The following SYT1 variants were observed in gnomAD, a reference collection of about 807,000 sequenced individuals.
SYT1 encodes synaptotagmin-1.
Under a neutral mutation model 44.8 loss-of-function variants are expected in SYT1, and 8 were observed. The observed-to-expected ratio is 0.18, with a 90% confidence interval of 0.10 to 0.32. The LOEUF is 0.32. Among genes scored for constraint, SYT1 ranks in the 10% least tolerant of loss-of-function variants. SYT1 has a pLI of 1.00. For synonymous variants in SYT1, 154 were observed against 188.8 expected, an observed-to-expected ratio of 0.82 and a Z score of 1.51; for missense variants, 286 against 509.3, an observed-to-expected ratio of 0.56 and a Z score of 4.22.
intron 3 of SYT1, among the ~76,000 whole-genome samples, chr12:79,200,840 A>G (rs1476844807): frequency 8.5e-5 from 13 of 152,182 alleles, no homozygotes; most frequent in African/African-American, 2.4e-5. Context: ...ACCAATCTAC[A>G]TAATTCAGAA....
At chr12:78,886,777 G>C (rs189358443) in intron 1 of SYT1, among the ~76,000 whole-genome samples, 3 of 152,108 alleles carry the variant, frequency 2.0e-5, no homozygotes, top group Admixed American at 6.6e-5. Context: ...GTGTATGATA[G>C]TGCGTTATTT....
intron 8 of SYT1, among the ~76,000 whole-genome samples, chr12:79,329,254 C>T (rs1373403981): frequency 6.6e-6 from 1 of 152,122 alleles, no homozygotes; most frequent in Non-Finnish European, 1.5e-5. Flanking sequence ...AGATACACAC[C>T]TCCACATAGA....
At chr12:79,354,686 G>A (rs980609791) in intron 9 of SYT1, among the ~76,000 whole-genome samples, 1 of 152,000 alleles carries the variant, frequency 6.6e-6, no homozygotes, top group Non-Finnish European at 1.5e-5. Context: ...TGTTTTTATT[G>A]TGCCTAGCAG....
At chr12:78,906,069 A>G (rs555953464) in intron 1 of SYT1, among the ~76,000 whole-genome samples, 1 of 152,232 alleles carries the variant, frequency 6.6e-6, no homozygotes, top group Admixed American at 6.6e-5. Flanking sequence ...CAATCAAGCC[A>G]GTAAATAAAG....
At chr12:79,389,620 T>C (rs551289529) in intron 9 of SYT1, among the ~76,000 whole-genome samples, 36 of 152,328 alleles carry the variant, frequency 2.4e-4, no homozygotes, top group African/African-American at 8.4e-4. Flanking sequence ...ACCAAGTTTT[T>C]CTGGCTCCTG....
At chr12:79,203,138 C>A (rs1873894069) in intron 3 of SYT1, among the ~76,000 whole-genome samples, 1 of 151,984 alleles carries the variant, frequency 6.6e-6, no homozygotes, top group African/African-American at 2.4e-5. Flanking sequence ...TTTGTGTATG[C>A]TCGTTTTTGG....
At chr12:79,292,624 C>T (rs976079446) in intron 6 of SYT1, among the ~76,000 whole-genome samples, 17 of 152,028 alleles carry the variant, frequency 1.1e-4, no homozygotes, top group African/African-American at 3.9e-4. Context: ...AGCAGGATGG[C>T]CTTATATGAT....
chr12:79,235,286 T>G (rs1876121680), intron 4 of SYT1, among the ~76,000 whole-genome samples: 1 of 152,198 alleles, frequency 6.6e-6, no homozygotes, highest in Admixed American at 6.5e-5. Context: ...TCTTTTTCAT[T>G]TTAGTTACTC....
At chr12:79,206,641 A>G (rs1348798155) in intron 3 of SYT1, among the ~76,000 whole-genome samples, 1 of 152,212 alleles carries the variant, frequency 6.6e-6, no homozygotes, top group Non-Finnish European at 1.5e-5. Flanking sequence ...ACATCACTCA[A>G]TGCTCTCAGT....
intron 1 of SYT1, among the ~76,000 whole-genome samples, chr12:78,929,407 CCCAAAAAAAAAAAAAAAAAAAA>C (rs1340148849): frequency 0.01 from 148 of 14,680 alleles, 18 homozygotes; most frequent in Non-Finnish European, 6.0e-3. Context: ...GAGACTCCGT[CCCAAAAAAAAAAAAAAAAAAAA>C]AAAAAAAAAA....
At chr12:79,046,276 G>C (rs995709834) in intron 2 of SYT1, 1 of 152,196 alleles carries the variant, frequency 6.6e-6, no homozygotes, top group Non-Finnish European at 1.5e-5. Flanking sequence ...CCAATAGCTA[G>C]AGCTGCTGAT....
chr12:79,212,440 A>G (rs1338853470), intron 3 of SYT1, among the ~76,000 whole-genome samples: 1 of 151,798 alleles, frequency 6.6e-6, no homozygotes, highest in African/African-American at 2.4e-5. Flanking sequence ...CAGCACATGT[A>G]TACCTATGTA....
intron 4 of SYT1, among the ~76,000 whole-genome samples, chr12:79,231,948 A>C (rs142666105): frequency 7.2e-5 from 11 of 152,186 alleles, no homozygotes; most frequent in African/African-American, 2.7e-4. Flanking sequence ...ATTGTTTGCT[A>C]TGGTGAGCAT....
chr12:79,308,881 C>A (rs1460405224), intron 8 of SYT1, among the ~76,000 whole-genome samples: 4 of 152,164 alleles, frequency 2.6e-5, no homozygotes, highest in Non-Finnish European at 2.9e-5. Flanking sequence ...AAACTGTAAG[C>A]CTGGAATTAG....
At chr12:79,073,286 A>C (rs539165184) in intron 3 of SYT1, among the ~76,000 whole-genome samples, 1 of 152,226 alleles carries the variant, frequency 6.6e-6, no homozygotes, top group Admixed American at 6.5e-5. Context: ...TTAACTAAAA[A>C]GTTTTTTGTT....
intron 9 of SYT1, among the ~76,000 whole-genome samples, chr12:79,428,898 C>T (rs1054141970): frequency 3.3e-5 from 5 of 152,090 alleles, no homozygotes; most frequent in African/African-American, 1.2e-4. Flanking sequence ...CTGCTGAGGA[C>T]CTCAGGAAGC....
In SYT1 at chr12:78,972,715, AT is replaced by A. The variant is rs888414637; in HGVS notation, c.-216-5075del. 6.2e-4 allele frequency among the ~76,000 whole-genome samples: 93 copies of A among 150,772 alleles called. 2 individuals are homozygous for A. The highest frequency in any genetic ancestry group is 1.2e-3 in the African/African-American group (50 of 41,174). ...TCTATTAATATTCCTAACTCATTCG[AT>A]TTTTTTTTCACCTTTGAGTTTTTAT... On this transcript the variant is annotated intron_variant, in intron 1 of 10. Coordinates refer to ENST00000261205, the MANE Select transcript of SYT1 (RefSeq NM_005639.3).
chr12:78,889,450 A>T (rs1040580176), intron 1 of SYT1, among the ~76,000 whole-genome samples: 13 of 151,998 alleles, frequency 8.6e-5, no homozygotes, highest in African/African-American at 3.1e-4. Flanking sequence ...AATAAAGGTG[A>T]AATGCTCTAC....
chr12:79,436,273 A>G (rs911965694), intron 9 of SYT1, among the ~76,000 whole-genome samples: 3 of 152,122 alleles, frequency 2.0e-5, no homozygotes, highest in African/African-American at 7.2e-5. Flanking sequence ...TTTATCCAAC[A>G]CTGTAAGTTG....
Sources: allele counts gnomAD v4.1 joint callset (sites outside exome capture counted in the v4.1 genomes callset), GRCh38; gene constraint gnomAD v4.1.1; transcripts MANE v1.5; gene names NCBI Gene and HGNC (gene_info 2026-07-23, HGNC 2026-07-21).